CPA6: variants seen among roughly 807,000 people sequenced by gnomAD.
The protein encoded by CPA6 is carboxypeptidase B.
Under a neutral mutation model 63.3 loss-of-function variants are expected in CPA6, and 58 were observed. That is an observed-to-expected ratio of 0.92 (90% CI 0.74 to 1.14). The LOEUF (loss-of-function observed/expected upper bound fraction) is 1.14, where lower values mean the gene tolerates loss of function less well. CPA6 is among the 50% of genes most tolerant of loss of function. CPA6 has a pLI of 0.00. For missense variants in CPA6, 565 were observed against 526.6 expected, an observed-to-expected ratio of 1.07 and a Z score of -0.71; for synonymous variants, 185 against 179.0, an observed-to-expected ratio of 1.03 and a Z score of -0.27.
intron 10 of CPA6, among the ~76,000 whole-genome samples, chr8:67,425,814 G>A (rs1008076742): frequency 6.6e-6 from 1 of 152,118 alleles, no homozygotes; most frequent in African/African-American, 2.4e-5. Context: ...ACAAATAGTA[G>A]TCATAGTAGC....
Position 67,627,728 on chromosome 8 carries a change from C to T in CPA6, c.117-3477G>A, listed in dbSNP as rs138715250. Among the ~76,000 whole-genome samples the T allele has an allele frequency of 3.7e-3, 570 of 152,226 alleles. 3 individuals carry two copies. The highest frequency in any genetic ancestry group is 0.013 in the African/African-American group (527 of 41,542). ...CAGGAATTACTAACACTTATTAATC[C>T]ATGATATGCTTACATTTTGTTCCTT... is the stretch of plus-strand genomic sequence containing the variant. On this transcript the variant is annotated intron_variant, in intron 1 of 10. Transcript: ENST00000297770.
chr8:67,563,330 C>G lies in CPA6; in HGVS notation c.193-45283G>C, dbSNP rs542795557. 2.0e-5 allele frequency among the ~76,000 whole-genome samples: 3 copies of G among 152,274 alleles called. No individual in the cohort carries two copies. In the South Asian group the frequency reaches 6.2e-4, roughly 32 times the overall value. ...CTGATGGTTCTGCTTCTTATGAGCT[C>G]TACCTTCCTGGGATTATCAGCGTCA... is the stretch of plus-strand genomic sequence containing the variant. On this transcript the variant is annotated intron_variant, in intron 2 of 10. Transcript: ENST00000297770.
chr8:67,723,483 A>G (rs976319457), intron 1 of CPA6, among the ~76,000 whole-genome samples: 9 of 152,268 alleles, frequency 5.9e-5, no homozygotes, highest in Admixed American at 3.9e-4. Context: ...CTTAACTTTT[A>G]TTAGATTCAG....
In CPA6 at chr8:67,523,297, G is replaced by A. The variant is rs190641489; in HGVS notation, c.193-5250C>T. On this transcript the variant is annotated intron_variant, in intron 2 of 10. Transcript: ENST00000297770. The stretch of plus-strand genomic sequence containing the variant: ...TAATCCCAGCACTTTGGGAGGTAGA[G>A]GTGGGCGGATCATGAGGTCAGGAGA... Among the ~76,000 whole-genome samples the A allele has an allele frequency of 2.6e-3, 396 of 152,308 alleles. 3 individuals are homozygous for A. The highest frequency in any genetic ancestry group is 4.5e-3 in the Non-Finnish European group (308 of 68,020).
At chr8:67,643,650 G>C (rs778082277) in intron 1 of CPA6, among the ~76,000 whole-genome samples, 13 of 152,148 alleles carry the variant, frequency 8.5e-5, no homozygotes, top group Non-Finnish European at 1.3e-4. Flanking sequence ...GTACACATGG[G>C]AGGATTCAAA....
At chr8:67,597,721 T>C (rs1219024016) in intron 2 of CPA6, among the ~76,000 whole-genome samples, 1 of 152,208 alleles carries the variant, frequency 6.6e-6, no homozygotes, top group Non-Finnish European at 1.5e-5. Context: ...AGTTTTTGGT[T>C]ATGAAAACTA....
At chr8:67,709,909 G>A (rs2129000130) in intron 1 of CPA6, among the ~76,000 whole-genome samples, 1 of 152,118 alleles carries the variant, frequency 6.6e-6, no homozygotes, top group South Asian at 2.1e-4. Context: ...TCAGGAGTTT[G>A]AGACCAGCCT....
intron 6 of CPA6, among the ~76,000 whole-genome samples, chr8:67,486,979 C>T (rs1172602049): frequency 1.3e-5 from 2 of 152,014 alleles, no homozygotes; most frequent in Non-Finnish European, 2.9e-5. Flanking sequence ...GATCCTCCTG[C>T]CTCAGCCTCC....
chr8:67,651,920 G>A (rs1224948754), intron 1 of CPA6, among the ~76,000 whole-genome samples: 4 of 151,668 alleles, frequency 2.6e-5, no homozygotes, highest in Admixed American at 2.0e-4. Context: ...AGTCCCTGGA[G>A]TGTGATGTTC....
At chr8:67,525,296 C>T (rs567745222) in intron 2 of CPA6, among the ~76,000 whole-genome samples, 206 of 152,264 alleles carry the variant, frequency 1.4e-3, no homozygotes, top group African/African-American at 4.7e-3. Context: ...CAAACTAAAG[C>T]TCTAGTTGTT....
At chr8:67,548,692 A>T (rs1310354005) in intron 2 of CPA6, among the ~76,000 whole-genome samples, 1 of 152,248 alleles carries the variant, frequency 6.6e-6, no homozygotes, top group East Asian at 1.9e-4. Context: ...AAAATATTAA[A>T]TTCCATGCTG....
intron 10 of CPA6, 44 bp from the exon 11 acceptor site, chr8:67,422,735 G>T: frequency 6.7e-7 from 1 of 1,482,702 alleles, no homozygotes; most frequent in Non-Finnish European, 9.2e-7. Flanking sequence ...TCACTAAAGA[G>T]TCAGTATAAT....
chr8:67,424,376 G>T (rs1809838644), intron 10 of CPA6, among the ~76,000 whole-genome samples: 2 of 152,146 alleles, frequency 1.3e-5, no homozygotes, highest in African/African-American at 2.4e-5. Flanking sequence ...GTTGGGGACT[G>T]CTGCTGTAGA....
chr8:67,677,033 C>T (rs538690260), intron 1 of CPA6, among the ~76,000 whole-genome samples: 6 of 152,250 alleles, frequency 3.9e-5, no homozygotes, highest in South Asian at 4.1e-4. Context: ...ACTACTGCCC[C>T]GAACTGTGCT....
chr8:67,495,169 T>C (rs1811683885), intron 6 of CPA6, among the ~76,000 whole-genome samples: 1 of 152,216 alleles, frequency 6.6e-6, no homozygotes. Flanking sequence ...TTCAGACTAA[T>C]GGTCCTGCCA....
intron 2 of CPA6, among the ~76,000 whole-genome samples, chr8:67,518,727 T>C (rs1587515014): frequency 6.6e-6 from 1 of 152,032 alleles, no homozygotes; most frequent in East Asian, 1.9e-4. Flanking sequence ...GCCAGGCTGG[T>C]CTTGAACTCC....
At chr8:67,614,592 T>C (rs1814895145) in intron 2 of CPA6, among the ~76,000 whole-genome samples, 1 of 152,148 alleles carries the variant, frequency 6.6e-6, no homozygotes, top group Non-Finnish European at 1.5e-5. Flanking sequence ...TTTAAGTCAT[T>C]AACGTATCAT....
chr8:67,469,074 G>C (rs1810996206), intron 8 of CPA6, among the ~76,000 whole-genome samples: 1 of 152,182 alleles, frequency 6.6e-6, no homozygotes, highest in Non-Finnish European at 1.5e-5. Context: ...TACCAAGTGT[G>C]AATACATGTG....
intron 8 of CPA6, among the ~76,000 whole-genome samples, chr8:67,475,835 C>A (rs1210671373): frequency 5.3e-5 from 3 of 56,754 alleles, no homozygotes; most frequent in Admixed American, 2.0e-4. Context: ...TTCTTTCTTT[C>A]TTTCTTTCTT....
Sources: allele counts gnomAD v4.1 joint callset (sites outside exome capture counted in the v4.1 genomes callset), GRCh38; gene constraint gnomAD v4.1.1; transcripts MANE v1.5; gene names NCBI Gene and HGNC (gene_info 2026-07-23, HGNC 2026-07-21).